Variants in PPIL6 observed in about 807,000 individuals in gnomAD.
PPIL6 encodes probable inactive peptidyl-prolyl cis-trans isomerase-like 6.
A neutral mutation model predicts 36.8 loss-of-function variants in PPIL6; 39 were observed. That is an observed-to-expected ratio of 1.06 (90% CI 0.82 to 1.38). PPIL6 has a LOEUF of 1.38. Ranked by LOEUF, PPIL6 falls within the 40% of genes most tolerant of loss-of-function variation. PPIL6 has a pLI of 0.00. For missense variants in PPIL6, 368 were observed against 379.1 expected, an observed-to-expected ratio of 0.97 and a Z score of 0.24; for synonymous variants, 123 against 134.1, an observed-to-expected ratio of 0.92 and a Z score of 0.57.
chr6:109,409,777 T>G (rs757180117), intron 6 of PPIL6, among the ~76,000 whole-genome samples: 12 of 151,856 alleles, frequency 7.9e-5, no homozygotes, highest in Non-Finnish European at 1.8e-4. Flanking sequence ...GTAAACCCAT[T>G]TACAAATAAA....
chr6:109,406,801 TTGAGA>T (rs1255334647), intron 6 of PPIL6, among the ~76,000 whole-genome samples: 28 of 152,266 alleles, frequency 1.8e-4, no homozygotes, highest in African/African-American at 6.3e-4. Context: ...ACTCACAGAT[TTGAGA>T]TATTTGTTGG....
intron 2 of PPIL6, among the ~76,000 whole-genome samples, chr6:109,433,457 C>A (rs1774274436): frequency 6.6e-6 from 1 of 152,204 alleles, no homozygotes; most frequent in Non-Finnish European, 1.5e-5. Flanking sequence ...TATTTGGAGG[C>A]TAAAGATGTA....
intron 2 of PPIL6, among the ~76,000 whole-genome samples, chr6:109,431,717 T>C (rs1268452911): frequency 1.3e-5 from 2 of 152,230 alleles, no homozygotes; most frequent in African/African-American, 2.4e-5. Context: ...CCACTTACTA[T>C]GTGGGCTCTA....
At chr6:109,393,763 C>G (rs1028069171) in intron 7 of PPIL6, among the ~76,000 whole-genome samples, 1 of 152,126 alleles carries the variant, frequency 6.6e-6, no homozygotes, top group African/African-American at 2.4e-5. Context: ...TTCCACAGCT[C>G]CTGCATTACT....
chr6:109,427,188 G>A (rs1010062382), intron 3 of PPIL6, 32 bp from the exon 4 acceptor site: 1 of 1,520,954 alleles, frequency 6.6e-7, no homozygotes, highest in South Asian at 1.2e-5. Flanking sequence ...ATATAATGCA[G>A]GTCAAAGTCT....
intron 6 of PPIL6, among the ~76,000 whole-genome samples, chr6:109,410,114 GC>G (rs1772957400): frequency 6.6e-6 from 1 of 152,096 alleles, no homozygotes; most frequent in African/African-American, 2.4e-5. Flanking sequence ...TGAGCCCATC[GC>G]AGCTGAGGTA....
intron 6 of PPIL6, chr6:109,418,334 C>G (rs1374731795): frequency 2.6e-5 from 4 of 152,754 alleles, no homozygotes; most frequent in Non-Finnish European, 4.4e-5. Flanking sequence ...CCCCTGTACT[C>G]ACACACTATT....
At position 109,413,364 on chromosome 6, in the gene PPIL6, CTCAACACCACTGA is replaced by C. The variant is rs1377991731; in HGVS notation, c.688+5810_688+5822del. Among the ~76,000 whole-genome samples the C allele has an allele frequency of 1.3e-5, 2 of 152,142 alleles. No homozygotes were observed. The highest frequency in any genetic ancestry group is 2.9e-5 in the Non-Finnish European group (2 of 68,016). On this transcript the variant is annotated intron_variant, in intron 6 of 7. Coordinates refer to ENST00000521072, the MANE Select transcript of PPIL6 (RefSeq NM_173672.5). The surrounding 1 kb of genome is among the most constrained non-coding windows in gnomAD (Gnocchi z 4.6). ...TGGCAAACAGGCATATGAAAAGGTG[CTCAACACCACTGA>C]TCATCAGAGAAACGTAAACCCAAAC...
Position 109,424,484 on chromosome 6 carries a change from G to A in PPIL6, c.631+2363C>T, listed in dbSNP as rs573756639. 3.7e-4 allele frequency among the ~76,000 whole-genome samples: 56 copies of A among 152,294 alleles called. No homozygotes were observed. The South Asian group carries it at 0.011, about 29-fold the overall frequency. On this transcript the variant is annotated intron_variant, in intron 5 of 7. Transcript: ENST00000521072. ...ATCCTAAGGCACAGCACAAAACCAC[G>A]TTTAGCTCCTGTCCTCCAAAATTCT... is the stretch of plus-strand genomic sequence containing the variant.
Position 109,440,598 on chromosome 6 carries a change from C to A in PPIL6, c.-8G>T. The A allele has an allele frequency of 2.2e-6, 3 of 1,333,946 alleles. No homozygotes were observed. Among genetic ancestry groups the A allele is most frequent in the Non-Finnish European group, 2.9e-6 (3 of 1,044,078 alleles). 82.6% of individuals were successfully genotyped at this position (1,333,946 alleles called of 1,614,324 possible). ...CGGCTGCGGCCTTGCCATGGCCGCG[C>A]CCGGGGACGCCCGGTGACCCCAAAC... On this transcript the variant is annotated 5_prime_UTR_variant, in exon 1 of 8. Coordinates refer to ENST00000521072, the MANE Select transcript of PPIL6 (RefSeq NM_173672.5).
At position 109,426,648 on chromosome 6, in the gene PPIL6, GATTT is replaced by G. The variant is rs564798544; in HGVS notation, c.631+195_631+198del. On this transcript the variant is annotated intron_variant, in intron 5 of 7. Coordinates refer to ENST00000521072, the MANE Select transcript of PPIL6 (RefSeq NM_173672.5). The stretch of plus-strand genomic sequence containing the variant: ...GGAATATTCCTGGTAACATAAATTA[GATTT>G]ATTTATTTTAATAATTAGGGTGTTT... 2.2e-3 allele frequency among the ~76,000 whole-genome samples: 342 copies of G among 152,118 alleles called. 3 individuals are homozygous for G. Among genetic ancestry groups the G allele is most frequent in the African/African-American group, 7.7e-3 (319 of 41,500 alleles).
chr6:109,416,129 TAC>T (rs1214079345), intron 6 of PPIL6, among the ~76,000 whole-genome samples: 3 of 151,992 alleles, frequency 2.0e-5, no homozygotes, highest in Admixed American at 6.6e-5. Context: ...CACACAACAG[TAC>T]AGTTAGCCTA....
chr6:109,441,120 C>A, upstream of PPIL6: 1 of 1,614,166 alleles, frequency 6.2e-7, no homozygotes, highest in Non-Finnish European at 8.5e-7. Context: ...AGCTCCCCAA[C>A]CATGAAGCCC....
intron 1 of PPIL6, 76 bp from the exon 2 acceptor site, chr6:109,436,275 G>A (rs972713426): frequency 1.0e-5 from 9 of 875,916 alleles, no homozygotes; most frequent in African/African-American, 8.4e-5. Context: ...CAATTTTTAC[G>A]GGGTTTCCAG....
intron 2 of PPIL6, 29 bp from the exon 3 acceptor site, chr6:109,431,374 A>AG: frequency 6.5e-7 from 1 of 1,536,332 alleles, no homozygotes; most frequent in South Asian, 1.2e-5. Flanking sequence ...AAAAAAAAAA[A>AG]AAACGTAAGA....
At chr6:109,437,927 T>C (rs1774545684) in intron 1 of PPIL6, among the ~76,000 whole-genome samples, 1 of 152,232 alleles carries the variant, frequency 6.6e-6, no homozygotes, top group South Asian at 2.1e-4. Flanking sequence ...AGTTTTCAAA[T>C]GAAACACATG....
rs539188974 is a variant in PPIL6, at chr6:109,420,062, G to A, written c.632-819C>T. Among the ~76,000 whole-genome samples the A allele has an allele frequency of 6.6e-5, 10 of 151,986 alleles. No homozygotes were observed. In the East Asian group the frequency reaches 1.6e-3, roughly 24 times the overall value. On this transcript the variant is annotated intron_variant, in intron 5 of 7. Coordinates refer to ENST00000521072, the MANE Select transcript of PPIL6 (RefSeq NM_173672.5). Reference sequence around the variant, plus strand: ...ATATGTATAAAAAATAGAGCCAGGCGCGGTGACACACCTGTAATCCCAGCA... The same window carrying A: ...ATATGTATAAAAAATAGAGCCAGGCACGGTGACACACCTGTAATCCCAGCA...
At chr6:109,406,528 T>C (rs947854890) in intron 6 of PPIL6, among the ~76,000 whole-genome samples, 1 of 152,200 alleles carries the variant, frequency 6.6e-6, no homozygotes, top group African/African-American at 2.4e-5. Flanking sequence ...AATTAGTAGA[T>C]TGATGCAGCA....
Position 109,426,891 on chromosome 6 carries a change from G to T in PPIL6, c.587C>A (p.Ser196Tyr), listed in dbSNP as rs1308736937. ...QRGIRLHYKN[S>Y]IFHRIVQNGW... Reference sequence around the variant, plus strand: ...ATTCTGTACTATTCGATGAAAAATGGAATTTTTGTAATGTAGTCTTATGCC... The same window carrying T: ...ATTCTGTACTATTCGATGAAAAATGTAATTTTTGTAATGTAGTCTTATGCC... The change falls in exon 5 of 8, where the codon TCC (serine) becomes TAC (tyrosine). Residue 196 changes from serine (S) to tyrosine (Y), a missense_variant. Transcript: ENST00000521072. 18 of 1,600,696 alleles carry T rather than the reference G, an allele frequency of 1.1e-5. No homozygotes were observed. Among genetic ancestry groups the T allele is most frequent in the Admixed American group, 3.3e-5 (2 of 59,776 alleles).
Sources: allele counts gnomAD v4.1 joint callset (sites outside exome capture counted in the v4.1 genomes callset), GRCh38; gene constraint gnomAD v4.1.1; non-coding constraint Gnocchi (gnomAD v3.1); transcripts MANE v1.5; gene names NCBI Gene and HGNC (gene_info 2026-07-23, HGNC 2026-07-21).